The following ADAMTS2 variants were observed in gnomAD, a reference collection of about 807,000 sequenced individuals.
The protein encoded by ADAMTS2 is ADAM metallopeptidase with thrombospondin type 1 motif 2, also known as A disintegrin and metalloproteinase with thrombospondin motifs 2.
Under a neutral mutation model 123.0 loss-of-function variants are expected in ADAMTS2, and 50 were observed. The ratio of observed to expected loss-of-function variants is 0.41; its 90% CI spans 0.32 to 0.51. ADAMTS2 has a LOEUF of 0.51. Ranked by LOEUF, ADAMTS2 falls within the 20% of genes least tolerant of loss-of-function variation. The pLI, the probability that ADAMTS2 is intolerant of heterozygous loss-of-function variation, is 0.35. For synonymous variants in ADAMTS2, 678 were observed against 695.4 expected, an observed-to-expected ratio of 0.98 and a Z score of 0.39; for missense variants, 1,494 against 1,705.2, an observed-to-expected ratio of 0.88 and a Z score of 2.18.
rs1766061188 is a variant in ADAMTS2, at chr5:179,256,626, CG to C, written c.688+16284del. ...CACACTCCACTGCAAACCAGGCAGG[CG>C]GGGCCAGCATGAGTGGGGGGGCCAG... On this transcript the variant is annotated intron_variant, in intron 3 of 21. Coordinates refer to ENST00000251582, the MANE Select transcript of ADAMTS2 (RefSeq NM_014244.5). The surrounding 1 kb of genome is among the most constrained non-coding windows in gnomAD (Gnocchi z 4.1). Among the ~76,000 whole-genome samples, 1 of 152,036 alleles carries C rather than the reference CG, an allele frequency of 6.6e-6. No individual in the cohort carries two copies. Among genetic ancestry groups the C allele is most frequent in the Non-Finnish European group, 1.5e-5 (1 of 68,012 alleles).
rs1269138698 is a variant in ADAMTS2 at position 179,207,726 on chromosome 5, A to C, written c.689-11T>G. 3 of 1,608,878 alleles carry C rather than the reference A, an allele frequency of 1.9e-6. No individual in the cohort carries two copies. Among genetic ancestry groups the C allele is most frequent in the Non-Finnish European group, 2.5e-6 (3 of 1,179,870 alleles). On this transcript the variant is annotated splice_polypyrimidine_tract_variant and intron_variant, in intron 3 of 21. Coordinates refer to ENST00000251582, the MANE Select transcript of ADAMTS2 (RefSeq NM_014244.5). Reference sequence around the variant, plus strand: ...TGTCCAGGGAGGCCCCTGCAAGGAGAGGACACCGTCTTCAGCGGCAGGGCA... The same window carrying C: ...TGTCCAGGGAGGCCCCTGCAAGGAGCGGACACCGTCTTCAGCGGCAGGGCA...
chr5:179,251,277 G>A (rs1333937968), intron 3 of ADAMTS2, among the ~76,000 whole-genome samples: 6 of 152,150 alleles, frequency 3.9e-5, no homozygotes, highest in African/African-American at 1.4e-4. Flanking sequence ...ACCCAGCCAG[G>A]CAGGGTTTGA....
chr5:179,280,609 G>A (rs756607497), intron 2 of ADAMTS2, among the ~76,000 whole-genome samples: 1 of 152,130 alleles, frequency 6.6e-6, no homozygotes. Context: ...CCCATGGCAC[G>A]CAAGGCCTTC....
rs961623516 is a variant in ADAMTS2 at position 179,130,744 on chromosome 5, T to G, written c.2291-646A>C. ...CTGCGGGGCAGCTGGGTGATGTGAG[T>G]GGGGCCGCAGACAGGGCACTAGTGA... On this transcript the variant is annotated intron_variant, in intron 15 of 21. Transcript: ENST00000251582. This position sits in a 1 kb window ranked among gnomAD's most constrained non-coding sequence, Gnocchi z 4.3. Among the ~76,000 whole-genome samples the G allele has an allele frequency of 1.3e-5, 2 of 152,106 alleles. No homozygotes were observed. Among genetic ancestry groups the G allele is most frequent in the Non-Finnish European group, 2.9e-5 (2 of 68,006 alleles).
intron 3 of ADAMTS2, among the ~76,000 whole-genome samples, chr5:179,244,729 AAC>A (rs1765743471): frequency 6.6e-6 from 1 of 152,222 alleles, no homozygotes; most frequent in Non-Finnish European, 1.5e-5. Context: ...ATATTTGACT[AAC>A]AGCACAAAGC....
In ADAMTS2 at chr5:179,302,150, A is replaced by G. The variant is rs1397389200; in HGVS notation, c.535-29086T>C. On this transcript the variant is annotated intron_variant, in intron 2 of 21. Coordinates refer to ENST00000251582, the MANE Select transcript of ADAMTS2 (RefSeq NM_014244.5). ...AGCCGGGACTTCTGCCTCTCACCCC[A>G]CTGCATGTATGAAAATAGACGGGGG... Among the ~76,000 whole-genome samples, 3 of 151,942 alleles carry G rather than the reference A, an allele frequency of 2.0e-5. No individual in the cohort carries two copies. In the South Asian group the frequency reaches 6.3e-4, roughly 32 times the overall value.
chr5:179,136,524 G>C (rs112334680), intron 12 of ADAMTS2, among the ~76,000 whole-genome samples: 27,125 of 151,934 alleles, frequency 0.18, 3,030 homozygotes, highest in Non-Finnish European at 0.25. Flanking sequence ...AATTAGCTGG[G>C]TGTGGTGGTG....
At chr5:179,261,321 A>G (rs1348354736) in intron 3 of ADAMTS2, among the ~76,000 whole-genome samples, 1 of 152,228 alleles carries the variant, frequency 6.6e-6, no homozygotes, top group Non-Finnish European at 1.5e-5. Flanking sequence ...GCAGCAAAAT[A>G]TTAAACACTA....
chr5:179,188,906 G>C lies in ADAMTS2; in HGVS notation c.892-7751C>G, dbSNP rs906583815. ...CTCCAGCAGGCACGTTGAGAAGACA[G>C]GTCGCATTACAAACCTTCCCGGGTT... On this transcript the variant is annotated intron_variant, in intron 4 of 21. Transcript: ENST00000251582. The surrounding 1 kb of genome is among the most constrained non-coding windows in gnomAD (Gnocchi z 5.1). Among the ~76,000 whole-genome samples, 1 of 152,158 alleles carries C rather than the reference G, an allele frequency of 6.6e-6. No individual in the cohort carries two copies. Among genetic ancestry groups the C allele is most frequent in the African/African-American group, 2.4e-5 (1 of 41,450 alleles).
intron 3 of ADAMTS2, among the ~76,000 whole-genome samples, chr5:179,249,513 C>G (rs147282707): frequency 1.3e-5 from 2 of 152,004 alleles, no homozygotes; most frequent in Admixed American, 1.3e-4. Context: ...CCAAACTGAC[C>G]AAGATAAAAA....
intron 2 of ADAMTS2, among the ~76,000 whole-genome samples, chr5:179,280,092 C>T (rs182763749): frequency 2.0e-5 from 3 of 152,334 alleles, no homozygotes; most frequent in Non-Finnish European, 4.4e-5. Context: ...ACAGAGTTGC[C>T]TCTGAGCTCC....
chr5:179,224,826 C>T (rs1009177865), intron 3 of ADAMTS2, among the ~76,000 whole-genome samples: 1 of 147,758 alleles, frequency 6.8e-6, no homozygotes, highest in African/African-American at 2.7e-5. Context: ...GCCACCTCAG[C>T]TCCACGCCCA....
At position 179,188,943 on chromosome 5, in the gene ADAMTS2, C is replaced by T. The variant is rs553008908; in HGVS notation, c.892-7788G>A. On this transcript the variant is annotated intron_variant, in intron 4 of 21. Coordinates refer to ENST00000251582, the MANE Select transcript of ADAMTS2 (RefSeq NM_014244.5). This position sits in a 1 kb window ranked among gnomAD's most constrained non-coding sequence, Gnocchi z 5.1. ...AACCTTCCCGGGTTTGTACTAACGA[C>T]GGCAAGAGGCTGCCCCTCCCCCTCT... is the stretch of plus-strand genomic sequence containing the variant. Among the ~76,000 whole-genome samples, 173 of 152,232 alleles carry T rather than the reference C, an allele frequency of 1.1e-3. No homozygotes were observed. The highest frequency in any genetic ancestry group is 2.1e-3 in the Non-Finnish European group (142 of 68,014).
At chr5:179,163,085 G>C (rs1763628965) in intron 5 of ADAMTS2, among the ~76,000 whole-genome samples, 2 of 152,218 alleles carry the variant, frequency 1.3e-5, no homozygotes, top group Non-Finnish European at 2.9e-5. Context: ...GTGTAGGACA[G>C]AGCTGCGGGA....
chr5:179,186,784 T>C (rs1184346532), intron 4 of ADAMTS2, among the ~76,000 whole-genome samples: 8 of 140,302 alleles, frequency 5.7e-5, no homozygotes, highest in African/African-American at 1.1e-4. Flanking sequence ...CCACTTTCTC[T>C]GCCAGACAGG....
At chr5:179,273,371 G>A (rs968525300) in intron 2 of ADAMTS2, among the ~76,000 whole-genome samples, 1 of 152,126 alleles carries the variant, frequency 6.6e-6, no homozygotes, top group Non-Finnish European at 1.5e-5. Context: ...AGAGAAGCAG[G>A]GAGACATTCA....
At chr5:179,131,249 G>T (rs1762955503) in intron 15 of ADAMTS2, among the ~76,000 whole-genome samples, 1 of 146,862 alleles carries the variant, frequency 6.8e-6, no homozygotes, top group Non-Finnish European at 1.5e-5. Flanking sequence ...GAAGGCGGAG[G>T]TTGCAGTGAG....
intron 3 of ADAMTS2, among the ~76,000 whole-genome samples, chr5:179,216,699 G>A (rs1764991383): frequency 6.6e-6 from 1 of 152,268 alleles, no homozygotes; most frequent in South Asian, 2.1e-4. Context: ...CGGGGGCAGT[G>A]CCGCCCTCTC....
chr5:179,186,160 C>T (rs564837213), intron 4 of ADAMTS2, among the ~76,000 whole-genome samples: 66 of 152,250 alleles, frequency 4.3e-4, no homozygotes, highest in African/African-American at 1.6e-3. Flanking sequence ...GCCTGGGATC[C>T]TGCTCCGGAG....
Sources: gnomAD v4.1 joint callset for allele counts (sites outside exome capture counted in the v4.1 genomes callset) on GRCh38, gnomAD v4.1.1 for gene constraint, Gnocchi (gnomAD v3.1) non-coding constraint, MANE v1.5 for transcripts, NCBI Gene and HGNC (gene_info 2026-07-23, HGNC 2026-07-21) for gene names.